The following PLLP variants were observed in gnomAD, a reference collection of about 807,000 sequenced individuals.
PLLP encodes plasma membrane proteolipid (plasmolipin).
In PLLP, 15 loss-of-function variants were observed where a neutral mutation model predicts 19.7. The ratio of observed to expected loss-of-function variants is 0.76; its 90% CI spans 0.51 to 1.17. The LOEUF (loss-of-function observed/expected upper bound fraction) is 1.17, where lower values mean the gene tolerates loss of function less well. Among genes scored for constraint, PLLP ranks in the 50% most tolerant of loss-of-function variants. The pLI is 0.00. For missense variants in PLLP, 255 were observed against 258.3 expected (o/e 0.99, Z 0.09); for synonymous variants, 111 against 116.3 (o/e 0.95, Z 0.29).
At chr16:57,265,676 TC>T (rs1290580115) in intron 1 of PLLP, among the ~76,000 whole-genome samples, 1 of 152,180 alleles carries the variant, frequency 6.6e-6, no homozygotes, top group African/African-American at 2.4e-5. Flanking sequence ...TATCTGTTAT[TC>T]CCATCTTCCA....
chr16:57,275,131 G>GCACACACA (rs1567532367), intron 1 of PLLP, among the ~76,000 whole-genome samples: 2 of 36,920 alleles, frequency 5.4e-5, no homozygotes, highest in Non-Finnish European at 1.2e-4. Context: ...ACACACACAT[G>GCACACACA]CATTTCAGAT....
chr16:57,270,051 G>A (rs1285267469), intron 1 of PLLP, among the ~76,000 whole-genome samples: 2 of 152,188 alleles, frequency 1.3e-5, no homozygotes, highest in Non-Finnish European at 2.9e-5. Flanking sequence ...TTACAGGCGT[G>A]AGCCACTGCA....
intron 1 of PLLP, among the ~76,000 whole-genome samples, chr16:57,265,496 A>G (rs2075454346): frequency 6.6e-6 from 1 of 152,260 alleles, no homozygotes; most frequent in East Asian, 1.9e-4. Context: ...CAGAAAATGC[A>G]ATGAACCAAA....
At position 57,256,871 on chromosome 16, in the gene PLLP, A is replaced by T; in HGVS notation, c.*42T>A. On this transcript the variant is annotated 3_prime_UTR_variant, in exon 4 of 4. Transcript: ENST00000219207. Reference sequence around the variant, plus strand: ...GCAGGGTGACCCTGCTCTGTGACCCAGCGGCGGCTTCAGCCCCAGAGGGGG... The same window carrying T: ...GCAGGGTGACCCTGCTCTGTGACCCTGCGGCGGCTTCAGCCCCAGAGGGGG... 1.5e-6 allele frequency: 2 copies of T among 1,355,678 alleles called. No homozygotes were observed. Among genetic ancestry groups the T allele is most frequent in the Non-Finnish European group, 2.1e-6 (2 of 949,056 alleles). The allele number at this position is 1,355,678 out of a possible 1,614,324, so 84.0% of individuals were successfully genotyped here.
At chr16:57,280,701 A>G (rs1173818163) in intron 1 of PLLP, among the ~76,000 whole-genome samples, 2 of 152,186 alleles carry the variant, frequency 1.3e-5, no homozygotes, top group South Asian at 2.1e-4. Flanking sequence ...CTGCAAGTCA[A>G]TTCTCCCCTC....
rs1798366256 is a variant in PLLP at position 57,256,745 on chromosome 16, T to G, written c.*168A>C. 1.7e-6 allele frequency: 1 copy of G among 574,188 alleles called. No homozygotes were observed. Among genetic ancestry groups the G allele is most frequent in the Non-Finnish European group, 3.1e-6 (1 of 321,824 alleles). 35.6% of individuals were successfully genotyped at this position (574,188 alleles called of 1,614,324 possible). ...GCCGAGATGCCTGCCAGCCTGGGCCTGCTTCCTTAGCGCTGTGAGAGCTTA... is the reference window on the plus strand; with the variant it reads ...GCCGAGATGCCTGCCAGCCTGGGCCGGCTTCCTTAGCGCTGTGAGAGCTTA... On this transcript the variant is annotated 3_prime_UTR_variant, in exon 4 of 4. Coordinates refer to ENST00000219207, the MANE Select transcript of PLLP (RefSeq NM_015993.3).
At chr16:57,274,488 TGTCA>T in intron 1 of PLLP, among the ~76,000 whole-genome samples, 2 of 152,346 alleles carry the variant, frequency 1.3e-5, no homozygotes, top group Admixed American at 1.3e-4. Context: ...AATCTTGCTC[TGTCA>T]CCCAGGCTGG....
At position 57,261,829 on chromosome 16, in the gene PLLP, C is replaced by A. The variant is rs188709550; in HGVS notation, c.309+68G>T. On this transcript the variant is annotated intron_variant, in intron 2 of 3. Coordinates refer to ENST00000219207, the MANE Select transcript of PLLP (RefSeq NM_015993.3). ...TGTCAGGCCACCCCCCCACACCCTGCCACTTCTTCTAGGGAAAGTCACAGT... is the reference window on the plus strand; with the variant it reads ...TGTCAGGCCACCCCCCCACACCCTGACACTTCTTCTAGGGAAAGTCACAGT... 6.1e-5 allele frequency: 88 copies of A among 1,440,032 alleles called. No homozygotes were observed. The East Asian group carries it at 1.1e-3, about 18-fold the overall frequency. 89.2% of individuals were successfully genotyped at this position (1,440,032 alleles called of 1,614,324 possible). A position where few individuals can be genotyped will look rare whatever the true frequency, so the allele number is the denominator to read the frequency against.
At chr16:57,263,659 G>T (rs530515514) in intron 1 of PLLP, among the ~76,000 whole-genome samples, 2 of 152,178 alleles carry the variant, frequency 1.3e-5, no homozygotes, top group South Asian at 2.1e-4. Flanking sequence ...AGGGCCCAGG[G>T]AGCTCGTGGA....
chr16:57,276,591 CA>C (rs34532075), intron 1 of PLLP, among the ~76,000 whole-genome samples: 111 of 107,894 alleles, frequency 1.0e-3, no homozygotes, highest in Middle Eastern at 4.8e-3. Flanking sequence ...GACTCTGTCT[CA>C]AAAAAAAAAA....
At chr16:57,278,232 C>A (rs991640771) in intron 1 of PLLP, among the ~76,000 whole-genome samples, 16 of 151,930 alleles carry the variant, frequency 1.1e-4, no homozygotes, top group African/African-American at 3.9e-4. Context: ...CCCAGCTATT[C>A]GGGAGGCTGA....
In PLLP at chr16:57,284,489, C is replaced by A; in HGVS notation, c.52G>T (p.Gly18Cys). 1 of 1,442,042 alleles carries A rather than the reference C, an allele frequency of 6.9e-7. No homozygotes were observed. 89.3% of individuals were successfully genotyped at this position (1,442,042 alleles called of 1,614,324 possible). The change falls in exon 1 of 4, where the codon GGC becomes TGC. Residue 18 changes from glycine (G) to cysteine (C), a missense_variant. Transcript: ENST00000219207. ...AGCGCCGACACCGAGGCTTCGGCGC[C>A]CTGCGCAGGACTGCTGGTCCGCGTG... is the stretch of plus-strand genomic sequence containing the variant. ...VSTRTSSPAQGAEASVSALRP... is the reference protein window; with the variant it reads ...VSTRTSSPAQCAEASVSALRP...
chr16:57,284,394 G>T lies in PLLP; in HGVS notation c.135+12C>A. 1 of 1,393,692 alleles carries T rather than the reference G, an allele frequency of 7.2e-7. No homozygotes were observed. Among genetic ancestry groups the T allele is most frequent in the Non-Finnish European group, 9.3e-7 (1 of 1,071,968 alleles). 86.3% of individuals were successfully genotyped at this position (1,393,692 alleles called of 1,614,324 possible). ...CCCCCGGCCAACCCCGTGGGCCCGC[G>T]CGTGCTCTCACCAGCTGCAGCAGCA... On this transcript the variant is annotated intron_variant, in intron 1 of 3. Transcript: ENST00000219207.
intron 1 of PLLP, among the ~76,000 whole-genome samples, 170 bp from the exon 2 acceptor site, chr16:57,262,240 A>G (rs1336900916): frequency 6.6e-6 from 1 of 152,038 alleles, no homozygotes; most frequent in African/African-American, 2.4e-5. Flanking sequence ...TGGGCAACAG[A>G]GCAAGTCCCC....
chr16:57,259,579 TCAAA>T (rs2075436021), intron 2 of PLLP, among the ~76,000 whole-genome samples: 1 of 152,212 alleles, frequency 6.6e-6, no homozygotes, highest in African/African-American at 2.4e-5. Flanking sequence ...CGCCTGGTCC[TCAAA>T]CATTCATTCA....
At chr16:57,267,472 C>G (rs118124630) in intron 1 of PLLP, among the ~76,000 whole-genome samples, 3,097 of 152,088 alleles carry the variant, frequency 0.02, 105 homozygotes, top group Middle Eastern at 0.048. Flanking sequence ...GAAGCTGAGG[C>G]AGAAGAATCA....
intron 1 of PLLP, among the ~76,000 whole-genome samples, chr16:57,268,212 C>T (rs566592516): frequency 7.7e-4 from 117 of 152,342 alleles, no homozygotes; most frequent in Non-Finnish European, 1.5e-3. Context: ...CAATATATTT[C>T]TGCCACCCAG....
At chr16:57,258,719 A>T (rs1377594656) in intron 2 of PLLP, 135 bp from the exon 3 acceptor site, 5 of 831,350 alleles carry the variant, frequency 6.0e-6, no homozygotes, top group Non-Finnish European at 9.7e-6. Context: ...CCCAGGAGTT[A>T]GAGACCAGCC....
intron 1 of PLLP, among the ~76,000 whole-genome samples, chr16:57,272,410 T>C (rs1360932207): frequency 2.6e-5 from 4 of 152,174 alleles, no homozygotes; most frequent in African/African-American, 4.8e-5. Context: ...AAGAAGCTTA[T>C]AGTCTCAGCA....
Sources: allele counts gnomAD v4.1 joint callset (sites outside exome capture counted in the v4.1 genomes callset), GRCh38; gene constraint gnomAD v4.1.1; transcripts MANE v1.5; gene names NCBI Gene and HGNC (gene_info 2026-07-23, HGNC 2026-07-21).